Variants in SBF2 observed in about 807,000 individuals in gnomAD.
SBF2 encodes the protein SET binding factor 2.
SBF2 carries 112 observed loss-of-function variants against 225.2 expected under a neutral mutation model. The ratio of observed to expected loss-of-function variants is 0.50; its 90% CI spans 0.43 to 0.58. SBF2 has a LOEUF of 0.58. Among genes scored for constraint, SBF2 ranks in the 20% least tolerant of loss-of-function variants. The pLI, the probability that SBF2 is intolerant of heterozygous loss-of-function variation, is 0.00. For missense variants in SBF2, 1,996 were observed against 2,206.2 expected (o/e 0.90, Z 1.91); for synonymous variants, 763 against 773.3 (o/e 0.99, Z 0.22).
chr11:9,978,477 T>A lies in SBF2; in HGVS notation c.1396-9932A>T, dbSNP rs189882178. On this transcript the variant is annotated intron_variant, in intron 13 of 39. Transcript: ENST00000256190. ...TAAATTAAATGAAATATAATTAGATTGTGAAAAAAATTTCCAATAAGGCCT... is the reference window on the plus strand; with the variant it reads ...TAAATTAAATGAAATATAATTAGATAGTGAAAAAAATTTCCAATAAGGCCT... Among the ~76,000 whole-genome samples the A allele has an allele frequency of 4.6e-5, 7 of 152,270 alleles. No homozygotes were observed. The East Asian group carries it at 1.2e-3, about 25-fold the overall frequency.
chr11:9,934,776 C>T (rs895200070), intron 16 of SBF2, among the ~76,000 whole-genome samples: 7 of 152,104 alleles, frequency 4.6e-5, no homozygotes, highest in African/African-American at 9.7e-5. Context: ...TAAAAACTCT[C>T]GATAAACAAG....
chr11:10,234,738 G>A (rs1309818540), intron 1 of SBF2, among the ~76,000 whole-genome samples: 1 of 152,164 alleles, frequency 6.6e-6, no homozygotes, highest in Non-Finnish European at 1.5e-5. Flanking sequence ...CAACTTAAAT[G>A]TCGTCTTCTC....
At chr11:10,185,217 C>T (rs774890006) in intron 2 of SBF2, among the ~76,000 whole-genome samples, 2 of 152,200 alleles carry the variant, frequency 1.3e-5, no homozygotes, top group Middle Eastern at 3.4e-3. Flanking sequence ...GTGAACAATG[C>T]TACTATAAAC....
At chr11:10,299,965 T>C (rs1964579328) in intron 1 of SBF2, among the ~76,000 whole-genome samples, 1 of 152,248 alleles carries the variant, frequency 6.6e-6, no homozygotes, top group Admixed American at 6.5e-5. Context: ...ACTCTGACCC[T>C]GATGACCTCT....
At chr11:9,909,759 T>G (rs1862442924) in intron 16 of SBF2, among the ~76,000 whole-genome samples, 2 of 152,044 alleles carry the variant, frequency 1.3e-5, no homozygotes, top group Admixed American at 1.3e-4. Context: ...ATCTGTAGTC[T>G]GTGGGTTTAT....
intron 6 of SBF2, among the ~76,000 whole-genome samples, chr11:10,003,425 T>C (rs7935297): frequency 0.27 from 40,293 of 151,232 alleles, 5,482 homozygotes; most frequent in Middle Eastern, 0.32. Flanking sequence ...TGGAGTGCAG[T>C]GGCACGATCT....
intron 2 of SBF2, among the ~76,000 whole-genome samples, chr11:10,120,615 T>G (rs1233089930): frequency 6.6e-6 from 1 of 152,094 alleles, no homozygotes; most frequent in Non-Finnish European, 1.5e-5. Flanking sequence ...TTGTTTTCTG[T>G]TTGTTTTTTC....
At chr11:9,941,325 A>G (rs1865238757) in intron 16 of SBF2, among the ~76,000 whole-genome samples, 3 of 149,176 alleles carry the variant, frequency 2.0e-5, no homozygotes, top group Admixed American at 6.8e-5. Context: ...CTGTCTCTTC[A>G]GTAAAAATAA....
intron 16 of SBF2, among the ~76,000 whole-genome samples, chr11:9,930,649 G>C (rs1285433252): frequency 6.6e-6 from 1 of 152,222 alleles, no homozygotes; most frequent in Admixed American, 6.5e-5. Context: ...GGCTGAACAG[G>C]AACAGCTCTG....
In SBF2 at chr11:9,904,240, G is replaced by A. The variant is rs140115649; in HGVS notation, c.1861-8229C>T. On this transcript the variant is annotated intron_variant, in intron 16 of 39. Coordinates refer to ENST00000256190, the MANE Select transcript of SBF2 (RefSeq NM_030962.4). Reference sequence around the variant, plus strand: ...ATATATATAAAACTTAAGGATACACGAAATTTAAAGGATGAAAAAATATGT... The same window carrying A: ...ATATATATAAAACTTAAGGATACACAAAATTTAAAGGATGAAAAAATATGT... 8.6e-4 allele frequency among the ~76,000 whole-genome samples: 131 copies of A among 152,008 alleles called. 3 individuals are homozygous for A. In the East Asian group the frequency reaches 0.015, roughly 17 times the overall value.
At chr11:10,079,978 T>C (rs957699293) in intron 2 of SBF2, among the ~76,000 whole-genome samples, 3 of 139,214 alleles carry the variant, frequency 2.2e-5, no homozygotes, top group Non-Finnish European at 4.9e-5. Context: ...ACAGGCACGA[T>C]GGCTCATGCC....
chr11:10,166,657 T>C (rs1484992690), intron 2 of SBF2, among the ~76,000 whole-genome samples: 2 of 152,122 alleles, frequency 1.3e-5, no homozygotes, highest in Non-Finnish European at 2.9e-5. Flanking sequence ...AATAGAATTA[T>C]TTTTTCCTTA....
At chr11:10,024,461 A>T (rs1247200139) in intron 6 of SBF2, among the ~76,000 whole-genome samples, 1 of 152,184 alleles carries the variant, frequency 6.6e-6, no homozygotes, top group Non-Finnish European at 1.5e-5. Context: ...GTCTCAACAC[A>T]AAATGCTCCT....
At chr11:9,788,969 A>G (rs1375338469) in intron 35 of SBF2, 140 bp downstream of exon 35, 4 of 726,502 alleles carry the variant, frequency 5.5e-6, no homozygotes, top group Non-Finnish European at 7.2e-6. Flanking sequence ...GATGATGGGG[A>G]GCAAATCTGG....
At chr11:10,174,007 C>T (rs1192714346) in intron 2 of SBF2, among the ~76,000 whole-genome samples, 1 of 151,938 alleles carries the variant, frequency 6.6e-6, no homozygotes, top group Non-Finnish European at 1.5e-5. Flanking sequence ...AAAAACCCAT[C>T]TGTACATCAC....
chr11:10,231,694 T>C (rs1958853128), intron 1 of SBF2, among the ~76,000 whole-genome samples: 1 of 152,136 alleles, frequency 6.6e-6, no homozygotes, highest in South Asian at 2.1e-4. Context: ...AGTATCCAGC[T>C]GTGTGAGGTG....
intron 22 of SBF2, among the ~76,000 whole-genome samples, chr11:9,849,521 G>A (rs1260509103): frequency 6.6e-6 from 1 of 152,166 alleles, no homozygotes; most frequent in East Asian, 1.9e-4. Context: ...TAGGAGTTTG[G>A]CAAGTAGAAG....
At chr11:9,797,472 T>C (rs1382235538) in intron 32 of SBF2, among the ~76,000 whole-genome samples, 3 of 152,240 alleles carry the variant, frequency 2.0e-5, no homozygotes, top group Non-Finnish European at 4.4e-5. Context: ...GCTTCCTTGA[T>C]GTGAGCCAAT....
Position 9,858,219 on chromosome 11 carries a change from C to T in SBF2, c.2100+7G>A, listed in dbSNP as rs370918433. 2.1e-5 allele frequency: 34 copies of T among 1,614,052 alleles called. No individual in the cohort carries two copies. In the East Asian group the frequency reaches 2.5e-4, roughly 12 times the overall value. On this transcript the variant is annotated splice_region_variant and intron_variant, in intron 18 of 39. Coordinates refer to ENST00000256190, the MANE Select transcript of SBF2 (RefSeq NM_030962.4). ...CACACAATTAGAGTTCTTTTCTTCTCTCTTACCTTTTGCTTCAGATGCGGG... is the reference window on the plus strand; with the variant it reads ...CACACAATTAGAGTTCTTTTCTTCTTTCTTACCTTTTGCTTCAGATGCGGG...
Sources: allele counts gnomAD v4.1 joint callset (sites outside exome capture counted in the v4.1 genomes callset), GRCh38; gene constraint gnomAD v4.1.1; transcripts MANE v1.5; gene names NCBI Gene and HGNC (gene_info 2026-07-23, HGNC 2026-07-21).